CTNNA2: variants seen among roughly 807,000 people sequenced by gnomAD.
CTNNA2 encodes catenin alpha 2, also known as catenin alpha-2.
CTNNA2 carries 42 observed loss-of-function variants against 101.0 expected under a neutral mutation model. The observed-to-expected ratio is 0.42, with a 90% confidence interval of 0.32 to 0.54. The LOEUF (loss-of-function observed/expected upper bound fraction) is 0.54. Among genes scored for constraint, CTNNA2 ranks in the 20% least tolerant of loss-of-function variants. CTNNA2 has a pLI of 0.14. For missense variants in CTNNA2, 871 were observed against 1,223.1 expected (o/e 0.71, Z 4.29); for synonymous variants, 450 against 456.4 (o/e 0.99, Z 0.18).
intron 3 of CTNNA2, among the ~76,000 whole-genome samples, chr2:79,366,946 C>T (rs1677763876): frequency 6.6e-6 from 1 of 152,146 alleles, no homozygotes; most frequent in African/African-American, 2.4e-5. Context: ...ACAGAAAGAT[C>T]TTGTTATTGA....
intron 7 of CTNNA2, among the ~76,000 whole-genome samples, chr2:80,213,503 T>C (rs1463984527): frequency 6.6e-6 from 1 of 152,244 alleles, no homozygotes; most frequent in African/African-American, 2.4e-5. Context: ...CATTGTTCAG[T>C]TTCCACGTAG....
At chr2:79,296,166 T>C (rs13402353) in intron 2 of CTNNA2, among the ~76,000 whole-genome samples, 17,798 of 152,086 alleles carry the variant, frequency 0.12, 1,358 homozygotes, top group African/African-American at 0.22. Flanking sequence ...TAAAATCTAA[T>C]AGTGTATCCA....
chr2:79,329,228 A>G (rs148704800), intron 3 of CTNNA2, among the ~76,000 whole-genome samples: 3 of 152,310 alleles, frequency 2.0e-5, no homozygotes, highest in Non-Finnish European at 4.4e-5. Flanking sequence ...TAGCAGGGCC[A>G]CTGCTTCCTG....
intron 2 of CTNNA2, among the ~76,000 whole-genome samples, chr2:79,274,837 A>G (rs1020641972): frequency 6.6e-6 from 1 of 152,096 alleles, no homozygotes; most frequent in Non-Finnish European, 1.5e-5. Context: ...AACATGAAAG[A>G]TATCAGGTAC....
chr2:79,309,195 TG>T (rs1467913935), intron 2 of CTNNA2, among the ~76,000 whole-genome samples: 2 of 152,204 alleles, frequency 1.3e-5, no homozygotes, highest in Non-Finnish European at 2.9e-5. Flanking sequence ...CTTGAATCTT[TG>T]CTTTTTTATG....
chr2:80,055,220 G>A (rs574394256), intron 7 of CTNNA2, among the ~76,000 whole-genome samples: 1 of 151,914 alleles, frequency 6.6e-6, no homozygotes, highest in Non-Finnish European at 1.5e-5. Flanking sequence ...TAAGAGATGG[G>A]GTCTCACTAT....
At chr2:79,682,993 G>A (rs1481108901) in intron 2 of CTNNA2, among the ~76,000 whole-genome samples, 2 of 152,214 alleles carry the variant, frequency 1.3e-5, no homozygotes, top group African/African-American at 4.8e-5. Context: ...TAAAACACGA[G>A]TATTAGACTA....
At chr2:79,759,187 C>A (rs1435295076) in intron 3 of CTNNA2, among the ~76,000 whole-genome samples, 1 of 151,964 alleles carries the variant, frequency 6.6e-6, no homozygotes, top group Non-Finnish European at 1.5e-5. Context: ...AATGAAAAGC[C>A]ACGAGACCAG....
At chr2:79,961,800 T>C (rs535595299) in intron 7 of CTNNA2, among the ~76,000 whole-genome samples, 26 of 123,262 alleles carry the variant, frequency 2.1e-4, no homozygotes, top group Middle Eastern at 7.2e-3. Flanking sequence ...CCAGCCTGGG[T>C]GACAGAGCGA....
intron 11 of CTNNA2, among the ~76,000 whole-genome samples, chr2:80,555,235 T>C (rs1160625443): frequency 6.6e-6 from 1 of 152,260 alleles, no homozygotes; most frequent in Admixed American, 6.5e-5. Flanking sequence ...ACTCTGGTTT[T>C]ATTTATGGAC....
At chr2:79,965,536 A>T (rs983386023) in intron 7 of CTNNA2, among the ~76,000 whole-genome samples, 3 of 152,134 alleles carry the variant, frequency 2.0e-5, no homozygotes, top group Non-Finnish European at 2.9e-5. Flanking sequence ...ACTGTCTATA[A>T]AAACAAGCCA....
At chr2:79,507,390 G>A (rs1671436227) in intron 5 of CTNNA2, among the ~76,000 whole-genome samples, 1 of 152,070 alleles carries the variant, frequency 6.6e-6, no homozygotes, top group South Asian at 2.1e-4. Context: ...AGGGTGTGGT[G>A]AGTGGACCCA....
chr2:80,451,036 C>G (rs1683462414), intron 9 of CTNNA2, among the ~76,000 whole-genome samples: 1 of 151,962 alleles, frequency 6.6e-6, no homozygotes, highest in Non-Finnish European at 1.5e-5. Flanking sequence ...TATACATACA[C>G]TTACCTTTCT....
intron 1 of CTNNA2, among the ~76,000 whole-genome samples, chr2:79,640,642 A>G (rs917236802): frequency 3.3e-5 from 5 of 152,214 alleles, no homozygotes; most frequent in Non-Finnish European, 7.3e-5. Flanking sequence ...TTTCTGAAAG[A>G]TATTTTAAAA....
intron 3 of CTNNA2, among the ~76,000 whole-genome samples, chr2:79,373,651 C>T (rs1677922018): frequency 9.5e-6 from 1 of 105,478 alleles, no homozygotes; most frequent in Admixed American, 1.0e-4. Context: ...CACAAAAAAA[C>T]GGTAACTCCC....
chr2:80,499,601 T>C (rs1037251901), intron 9 of CTNNA2, among the ~76,000 whole-genome samples: 5 of 152,080 alleles, frequency 3.3e-5, no homozygotes, highest in African/African-American at 1.2e-4. Context: ...GGTGGAAGGA[T>C]CATCTGAGGT....
At chr2:79,587,246 C>G (rs1022618565) in intron 1 of CTNNA2, among the ~76,000 whole-genome samples, 3 of 152,114 alleles carry the variant, frequency 2.0e-5, no homozygotes, top group African/African-American at 7.2e-5. Context: ...AATCTTCACA[C>G]TGTTTTTCAA....
chr2:80,353,669 C>T (rs1029803553), intron 7 of CTNNA2, among the ~76,000 whole-genome samples: 26 of 152,132 alleles, frequency 1.7e-4, no homozygotes, highest in African/African-American at 6.0e-4. Context: ...ATAACAGGAG[C>T]ATCTATATCA....
intron 1 of CTNNA2, among the ~76,000 whole-genome samples, chr2:79,192,308 A>G (rs1262770081): frequency 6.6e-6 from 1 of 152,124 alleles, no homozygotes; most frequent in Non-Finnish European, 1.5e-5. Context: ...TGTGCTGCAT[A>G]TTGTACTCTT....
Sources: gnomAD v4.1 joint callset for allele counts (sites outside exome capture counted in the v4.1 genomes callset) on GRCh38, gnomAD v4.1.1 for gene constraint, MANE v1.5 for transcripts, NCBI Gene and HGNC (gene_info 2026-07-23, HGNC 2026-07-21) for gene names.